SSH2: variants seen among roughly 807,000 people sequenced by gnomAD.
The protein encoded by SSH2 is slingshot protein phosphatase 2, also known as protein phosphatase Slingshot homolog 2.
SSH2 carries 37 observed loss-of-function variants against 135.2 expected under a neutral mutation model. The ratio of observed to expected loss-of-function variants is 0.27; its 90% CI spans 0.21 to 0.36. The LOEUF is 0.36. Among genes scored for constraint, SSH2 ranks in the 10% least tolerant of loss-of-function variants. The pLI is 1.00. For missense variants in SSH2, 1,408 were observed against 1,765.3 expected, an observed-to-expected ratio of 0.80 and a Z score of 3.63; for synonymous variants, 628 against 646.2, an observed-to-expected ratio of 0.97 and a Z score of 0.43.
chr17:29,631,887 G>C lies in SSH2; in HGVS notation c.3307C>G (p.Leu1103Val). 6.2e-7 allele frequency: 1 copy of C among 1,614,264 alleles called. No homozygotes were observed. The highest frequency in any genetic ancestry group is 8.5e-7 in the Non-Finnish European group (1 of 1,180,044). The change falls in exon 16 of 16, where the codon CTA becomes GTA. Residue 1103 changes from leucine (L) to valine (V), a missense_variant. By Grantham distance (32) the Leu-to-Val change is conservative. This residue lies in a region of SSH2 where 1,080 missense variants were observed against 1,144.5 expected (regional missense o/e 0.94). Coordinates refer to ENST00000540801, the MANE Select transcript of SSH2 (RefSeq NM_001282129.2). ...PNQVSLHPQV[L>V]PLPHSSSPEH... ...GGGGAGGAAGAATGAGGCAGAGGTA[G>C]CACTTGGGGGTGCAGAGAAACCTGG...
rs1340841539 is a variant in SSH2 at position 29,870,493 on chromosome 17, C to T, written c.64-21564G>A. Among the ~76,000 whole-genome samples, 2 of 152,048 alleles carry T rather than the reference C, an allele frequency of 1.3e-5. 1 individual carries two copies. The highest frequency in any genetic ancestry group is 4.8e-5 in the African/African-American group (2 of 41,418). On this transcript the variant is annotated intron_variant, in intron 1 of 15. Coordinates refer to ENST00000540801, the MANE Select transcript of SSH2 (RefSeq NM_001282129.2). The stretch of plus-strand genomic sequence containing the variant: ...CCTTTATGAGGTTTTGACTTTTGAA[C>T]TTTGTAAATGTCTTACCTAGTTTAA...
At chr17:29,918,835 G>T (rs2066925755) in intron 1 of SSH2, among the ~76,000 whole-genome samples, 1 of 152,152 alleles carries the variant, frequency 6.6e-6, no homozygotes, top group South Asian at 2.1e-4. Context: ...TACTCGGGAG[G>T]CTGAGGCAGA....
chr17:29,761,317 T>C (rs2041292688), intron 3 of SSH2: 1 of 1,201,324 alleles, frequency 8.3e-7, no homozygotes, highest in Non-Finnish European at 1.1e-6. Flanking sequence ...TCCTGGCCTC[T>C]GCTCTGCTCC....
intron 3 of SSH2, among the ~76,000 whole-genome samples, chr17:29,755,456 TA>T: frequency 6.6e-6 from 1 of 152,166 alleles, no homozygotes; most frequent in East Asian, 1.9e-4. Context: ...CTAATAATGA[TA>T]ACATAATTAC....
At chr17:29,913,355 TATATA>T (rs2066816869) in intron 1 of SSH2, among the ~76,000 whole-genome samples, 3 of 41,694 alleles carry the variant, frequency 7.2e-5, no homozygotes, top group East Asian at 1.6e-3. Context: ...AAAATATATA[TATATA>T]TATATATATA....
At chr17:29,664,816 C>T (rs190365458) in intron 11 of SSH2, among the ~76,000 whole-genome samples, 257 of 152,198 alleles carry the variant, frequency 1.7e-3, no homozygotes, top group Non-Finnish European at 2.8e-3. Context: ...TTTCTGCTTA[C>T]AATACTATTA....
chr17:29,731,260 C>T (rs2040181402), intron 3 of SSH2, among the ~76,000 whole-genome samples: 1 of 152,086 alleles, frequency 6.6e-6, no homozygotes, highest in Admixed American at 6.6e-5. Context: ...ATCCAGATTT[C>T]ATTTCCTCAT....
At chr17:29,733,098 TC>T (rs1162086053) in intron 3 of SSH2, among the ~76,000 whole-genome samples, 1 of 152,212 alleles carries the variant, frequency 6.6e-6, no homozygotes, top group Non-Finnish European at 1.5e-5. Context: ...GGAAGAGTCT[TC>T]CAGCAGTCTT....
At chr17:29,768,158 A>G (rs1323713019) in intron 3 of SSH2, among the ~76,000 whole-genome samples, 2 of 152,114 alleles carry the variant, frequency 1.3e-5, no homozygotes, top group African/African-American at 4.8e-5. Flanking sequence ...AGCTAAAAAT[A>G]TATATATTAG....
chr17:29,698,411 A>G (rs1250719742), intron 4 of SSH2, among the ~76,000 whole-genome samples: 3 of 152,216 alleles, frequency 2.0e-5, no homozygotes, highest in Admixed American at 6.5e-5. Flanking sequence ...ATGAGGAGAC[A>G]AAGTGTTAGG....
chr17:29,733,388 A>G (rs1006954661), intron 3 of SSH2, among the ~76,000 whole-genome samples: 3 of 152,250 alleles, frequency 2.0e-5, no homozygotes, highest in African/African-American at 7.2e-5. Context: ...AGAATGCAGT[A>G]AACATACTTC....
chr17:29,733,281 T>C (rs556292444), intron 3 of SSH2, among the ~76,000 whole-genome samples: 29 of 152,332 alleles, frequency 1.9e-4, no homozygotes, highest in South Asian at 4.1e-4. Context: ...TCAGGCACAA[T>C]AGGTGCCCTC....
At chr17:29,900,697 C>A (rs923359926) in intron 1 of SSH2, among the ~76,000 whole-genome samples, 1 of 152,172 alleles carries the variant, frequency 6.6e-6, no homozygotes. Context: ...TAAACTAGTT[C>A]AACCATTGTG....
In SSH2 at chr17:29,744,308, A is replaced by G. The variant is rs1022961814; in HGVS notation, c.189-41246T>C. ...AGCGGCTGAGTCCTGCCGATGCCCA[A>G]GATGGGCTGGGGTCCCTCTCTGGCA... is the stretch of plus-strand genomic sequence containing the variant. On this transcript the variant is annotated intron_variant, in intron 3 of 15. Coordinates refer to ENST00000540801, the MANE Select transcript of SSH2 (RefSeq NM_001282129.2). 3.3e-5 allele frequency among the ~76,000 whole-genome samples: 5 copies of G among 152,282 alleles called. No homozygotes were observed. The East Asian group carries it at 5.8e-4, about 18-fold the overall frequency.
At chr17:29,659,870 C>T (rs56259008) in intron 11 of SSH2, among the ~76,000 whole-genome samples, 5,805 of 150,504 alleles carry the variant, frequency 0.039, 371 homozygotes, top group African/African-American at 0.13. Context: ...CTCGCTCTAT[C>T]GCCAAGGTGG....
At position 29,740,801 on chromosome 17, in the gene SSH2, C is replaced by T. The variant is rs1039820641; in HGVS notation, c.189-37739G>A. 5.9e-5 allele frequency among the ~76,000 whole-genome samples: 9 copies of T among 152,290 alleles called. No homozygotes were observed. The East Asian group carries it at 1.5e-3, about 26-fold the overall frequency. On this transcript the variant is annotated intron_variant, in intron 3 of 15. Coordinates refer to ENST00000540801, the MANE Select transcript of SSH2 (RefSeq NM_001282129.2). Reference sequence around the variant, plus strand: ...GAAAATCTCAATATACTTAACACTTCCTAAACAGCACAATGAAATGTTGTT... The same window carrying T: ...GAAAATCTCAATATACTTAACACTTTCTAAACAGCACAATGAAATGTTGTT...
Position 29,747,406 on chromosome 17 carries a change from C to T in SSH2, c.189-44344G>A, listed in dbSNP as rs193270236. Among the ~76,000 whole-genome samples the T allele has an allele frequency of 2.0e-3, 305 of 152,228 alleles. 1 individual carries two copies. The highest frequency in any genetic ancestry group is 7.1e-3 in the African/African-American group (295 of 41,548). ...TCGAATTACTAAAAGAGGGGTTATA[C>T]CCCTCTAAAAATAGATTAATGCAGA... On this transcript the variant is annotated intron_variant, in intron 3 of 15. Coordinates refer to ENST00000540801, the MANE Select transcript of SSH2 (RefSeq NM_001282129.2).
chr17:29,650,262 C>T (rs2036534955), intron 13 of SSH2, among the ~76,000 whole-genome samples: 1 of 152,154 alleles, frequency 6.6e-6, no homozygotes. Flanking sequence ...CAAAGTTTGT[C>T]TCCTTATCTT....
intron 14 of SSH2, among the ~76,000 whole-genome samples, chr17:29,638,796 T>A (rs888897217): frequency 6.6e-6 from 1 of 152,080 alleles, no homozygotes; most frequent in Non-Finnish European, 1.5e-5. Context: ...GTTCAAGTGA[T>A]CCTCCTGCCT....
Sources: gnomAD v4.1 joint callset for allele counts (sites outside exome capture counted in the v4.1 genomes callset) on GRCh38, gnomAD v4.1.1 for gene constraint, gnomAD v4.1.1 regional missense constraint, MANE v1.5 for transcripts, NCBI Gene and HGNC (gene_info 2026-07-23, HGNC 2026-07-21) for gene names.